Variants in TECPR2 observed in about 807,000 individuals in gnomAD.
The protein encoded by TECPR2 is tectonin beta-propeller repeat-containing protein 2.
A neutral mutation model predicts 138.1 loss-of-function variants in TECPR2; 65 were observed. That is an observed-to-expected ratio of 0.47 (90% CI 0.39 to 0.58). The LOEUF is 0.58. Among genes scored for constraint, TECPR2 ranks in the 20% least tolerant of loss-of-function variants. TECPR2 has a pLI of 0.00. For synonymous variants in TECPR2, 746 were observed against 749.8 expected (o/e 0.99, Z 0.08); for missense variants, 1,553 against 1,824.5 (o/e 0.85, Z 2.71).
At chr14:102,416,063 C>T (rs531492872) in intron 5 of TECPR2, among the ~76,000 whole-genome samples, 2 of 152,190 alleles carry the variant, frequency 1.3e-5, no homozygotes, top group African/African-American at 2.4e-5. Context: ...TGTTAAAAGA[C>T]GCTCTCAAAC....
chr14:102,441,036 C>T (rs1889815135), intron 11 of TECPR2, among the ~76,000 whole-genome samples: 1 of 151,932 alleles, frequency 6.6e-6, no homozygotes, highest in South Asian at 2.1e-4. Flanking sequence ...TACTTACTTA[C>T]CCGTGGGCCA....
In TECPR2 at chr14:102,445,738, C is replaced by T. The variant is rs543438829; in HGVS notation, c.2934-68C>T. 2.0e-4 allele frequency: 311 copies of T among 1,519,858 alleles called. 1 individual carries two copies. The African/African-American group carries it at 3.6e-3, about 18-fold the overall frequency. The allele number at this position is 1,519,858 out of a possible 1,614,324, so 94.1% of individuals were successfully genotyped here. A position where few individuals can be genotyped will look rare whatever the true frequency, so the allele number is the denominator to read the frequency against. On this transcript the variant is annotated intron_variant, in intron 12 of 19. Coordinates refer to ENST00000359520, the MANE Select transcript of TECPR2 (RefSeq NM_014844.5). ...CGCCTGCCGGGAGACCCTGGATGTCCGCAGTCCAGACACACTGGGCACTCT... is the reference window on the plus strand; with the variant it reads ...CGCCTGCCGGGAGACCCTGGATGTCTGCAGTCCAGACACACTGGGCACTCT...
intron 2 of TECPR2, among the ~76,000 whole-genome samples, chr14:102,393,883 A>G (rs1018490207): frequency 8.5e-5 from 13 of 152,140 alleles, no homozygotes; most frequent in African/African-American, 3.1e-4. Flanking sequence ...TTTTGGAACC[A>G]TTCATTCAGA....
Position 102,460,443 on chromosome 14 carries a change from G to A in TECPR2, c.3641-4698G>A, listed in dbSNP as rs1011491699. ...AGCCTGGCCAACATGGTGAAGCCCC[G>A]TCTCTACTAACAATACAAAAATTAG... is the stretch of plus-strand genomic sequence containing the variant. On this transcript the variant is annotated intron_variant, in intron 16 of 19. Transcript: ENST00000359520. Among the ~76,000 whole-genome samples, 14 of 151,616 alleles carry A rather than the reference G, an allele frequency of 9.2e-5. No homozygotes were observed. In the East Asian group the frequency reaches 1.2e-3, roughly 13 times the overall value.
intron 17 of TECPR2, among the ~76,000 whole-genome samples, chr14:102,478,621 C>T (rs1346874771): frequency 6.6e-6 from 1 of 151,550 alleles, no homozygotes; most frequent in Admixed American, 6.6e-5. Context: ...TGCGCTCCAG[C>T]CTGGGTGACA....
intron 17 of TECPR2, among the ~76,000 whole-genome samples, chr14:102,490,782 G>A (rs945546184): frequency 2.6e-5 from 4 of 152,220 alleles, no homozygotes; most frequent in African/African-American, 9.6e-5. Flanking sequence ...TATTGCACCA[G>A]CGTCCGGAAC....
intron 2 of TECPR2, among the ~76,000 whole-genome samples, chr14:102,384,672 A>G (rs931854264): frequency 7.8e-6 from 1 of 127,806 alleles, no homozygotes; most frequent in African/African-American, 2.6e-5. Context: ...GCAAGACACC[A>G]CCTCAAAAAA....
intron 17 of TECPR2, among the ~76,000 whole-genome samples, chr14:102,467,319 A>G (rs1000614519): frequency 8.7e-6 from 1 of 114,422 alleles, no homozygotes; most frequent in Non-Finnish European, 1.7e-5. Flanking sequence ...ATCCTCACCA[A>G]TTTTTTTTTT....
intron 17 of TECPR2, among the ~76,000 whole-genome samples, chr14:102,483,627 A>G (rs1890945679): frequency 6.6e-6 from 1 of 151,312 alleles, no homozygotes; most frequent in Non-Finnish European, 1.5e-5. Context: ...TATTTTTTGT[A>G]GAGATGGAGT....
intron 10 of TECPR2, among the ~76,000 whole-genome samples, chr14:102,439,058 G>T (rs1889760110): frequency 6.6e-6 from 1 of 151,870 alleles, no homozygotes; most frequent in Non-Finnish European, 1.5e-5. Context: ...TGGACACGGG[G>T]TTTCACTGTG....
At chr14:102,382,371 TAAA>T (rs1567317094) in intron 2 of TECPR2, among the ~76,000 whole-genome samples, 1 of 151,260 alleles carries the variant, frequency 6.6e-6, no homozygotes, top group Non-Finnish European at 1.5e-5. Context: ...TAACCAGGGG[TAAA>T]AAAGACATTA....
At position 102,440,622 on chromosome 14, in the gene TECPR2, C is replaced by A; in HGVS notation, c.2752+13C>A. 1 of 1,611,048 alleles carries A rather than the reference C, an allele frequency of 6.2e-7. No homozygotes were observed. Among genetic ancestry groups the A allele is most frequent in the South Asian group, 1.1e-5 (1 of 90,772 alleles). On this transcript the variant is annotated intron_variant, in intron 11 of 19. Transcript: ENST00000359520. ...TACTTGCAGACAGGTAACCGCGGGC[C>A]ACGCTTAGAGGCCTGCCAGCTCTGC...
At chr14:102,483,304 C>T (rs539621211) in intron 17 of TECPR2, among the ~76,000 whole-genome samples, 1 of 152,164 alleles carries the variant, frequency 6.6e-6, no homozygotes, top group East Asian at 1.9e-4. Context: ...GTGGTTGCAG[C>T]CTATGTGCTG....
intron 10 of TECPR2, 52 bp downstream of exon 10, chr14:102,438,257 G>GC (rs1450715534): frequency 1.9e-6 from 3 of 1,558,324 alleles, no homozygotes; most frequent in African/African-American, 2.8e-5. Context: ...CGCCGCTCCT[G>GC]CTCCCCGCCC....
chr14:102,437,880 G>A (rs1428864315), intron 9 of TECPR2, 142 bp from the exon 10 acceptor site: 1 of 923,842 alleles, frequency 1.1e-6, no homozygotes, highest in Non-Finnish European at 1.6e-6. Context: ...AGCAGGGGTT[G>A]GGAGAAGGGT....
At chr14:102,493,114 T>C (rs1390872103) in intron 17 of TECPR2, among the ~76,000 whole-genome samples, 4 of 152,246 alleles carry the variant, frequency 2.6e-5, no homozygotes, top group Non-Finnish European at 5.9e-5. Context: ...GCCCTTCTGC[T>C]GAAGCACAGT....
rs776297932 is a variant in TECPR2 at position 102,408,523 on chromosome 14, T to C, written c.384T>C (p.Asn128=). The change falls in exon 4 of 20, where the codon AAT becomes AAC. Residue 128 remains asparagine (N), a synonymous_variant. Coordinates refer to ENST00000359520, the MANE Select transcript of TECPR2 (RefSeq NM_014844.5). ...TTGATGTCACTGGTATTCACAAAAA[T>C]AGCATTACAGCTCTGGCTTGGAGCC... ...RRFDVTGIHK[N]SITALAWSPN... 6.2e-6 allele frequency: 10 copies of C among 1,610,874 alleles called. No individual in the cohort carries two copies. In the East Asian group the frequency reaches 1.6e-4, roughly 25 times the overall value.
intron 6 of TECPR2, among the ~76,000 whole-genome samples, chr14:102,426,198 T>TG (rs1268614628): frequency 6.6e-6 from 1 of 152,142 alleles, no homozygotes; most frequent in Non-Finnish European, 1.5e-5. Context: ...CACTTGGTTT[T>TG]TTTTTTGTTT....
chr14:102,458,142 G>T (rs1487689446), intron 16 of TECPR2, among the ~76,000 whole-genome samples: 1 of 151,920 alleles, frequency 6.6e-6, no homozygotes, highest in African/African-American at 2.4e-5. Context: ...CCAAAGTGCT[G>T]GGATTATAGG....
Sources: gnomAD v4.1 joint callset for allele counts (sites outside exome capture counted in the v4.1 genomes callset) on GRCh38, gnomAD v4.1.1 for gene constraint, MANE v1.5 for transcripts, NCBI Gene and HGNC (gene_info 2026-07-23, HGNC 2026-07-21) for gene names.